AGO3: variants seen among roughly 807,000 people sequenced by gnomAD.
AGO3 encodes argonaute RISC catalytic component 3.
Under a neutral mutation model 105.5 loss-of-function variants are expected in AGO3, and 16 were observed. The observed-to-expected ratio is 0.15, with a 90% CI of 0.10 to 0.23. The LOEUF (loss-of-function observed/expected upper bound fraction) is 0.23. Among genes scored for constraint, AGO3 ranks in the 10% least tolerant of loss-of-function variants. The pLI is 1.00. For synonymous variants in AGO3, 340 were observed against 367.3 expected (o/e 0.93, Z 0.85); for missense variants, 534 against 1,088.0 (o/e 0.49, Z 7.16).
intron 5 of AGO3, among the ~76,000 whole-genome samples, chr1:35,987,048 C>T (rs1294212991): frequency 1.3e-5 from 2 of 149,944 alleles, no homozygotes; most frequent in South Asian, 2.1e-4. Flanking sequence ...GCAAAAGGGG[C>T]TAGGCACGGT....
At chr1:35,933,903 A>G (rs928206967) in intron 1 of AGO3, among the ~76,000 whole-genome samples, 3 of 152,250 alleles carry the variant, frequency 2.0e-5, no homozygotes, top group Admixed American at 6.5e-5. Context: ...CAAATACCAT[A>G]TAAGTTAGTA....
chr1:36,049,745 T>C (rs1458597530), intron 17 of AGO3, among the ~76,000 whole-genome samples: 1 of 151,988 alleles, frequency 6.6e-6, no homozygotes, highest in Non-Finnish European at 1.5e-5. Context: ...GGAAAAGAAA[T>C]GCAAGCAGGA....
At chr1:36,029,477 C>T (rs1434471138) in intron 12 of AGO3, among the ~76,000 whole-genome samples, 1 of 149,616 alleles carries the variant, frequency 6.7e-6, no homozygotes, top group Non-Finnish European at 1.5e-5. Flanking sequence ...TCACTGCAAG[C>T]TCTGCCTCCT....
At chr1:35,965,503 A>C (rs1008978668) in intron 2 of AGO3, among the ~76,000 whole-genome samples, 1 of 151,126 alleles carries the variant, frequency 6.6e-6, no homozygotes, top group South Asian at 2.1e-4. Context: ...AAAAAAAAAA[A>C]AAAAAGAAAA....
intron 9 of AGO3, among the ~76,000 whole-genome samples, chr1:36,011,018 C>T (rs1437172196): frequency 6.6e-6 from 1 of 152,038 alleles, no homozygotes; most frequent in African/African-American, 2.4e-5. Context: ...CGTAAGGTCT[C>T]TGTGCTGTCT....
intron 2 of AGO3, among the ~76,000 whole-genome samples, chr1:35,952,818 A>AT (rs1181748597): frequency 6.6e-6 from 1 of 152,210 alleles, no homozygotes; most frequent in Non-Finnish European, 1.5e-5. Flanking sequence ...ACATTCTATG[A>AT]TGTTCACACA....
chr1:35,933,632 C>T (rs1179389887), intron 1 of AGO3, among the ~76,000 whole-genome samples: 1 of 118,066 alleles, frequency 8.5e-6, no homozygotes, highest in Non-Finnish European at 1.6e-5. Flanking sequence ...CGGAGCAAGA[C>T]CCTGTCTCAA....
chr1:36,020,257 G>C (rs114460592), intron 11 of AGO3, among the ~76,000 whole-genome samples: 17 of 152,320 alleles, frequency 1.1e-4, no homozygotes, highest in African/African-American at 3.8e-4. Context: ...GCACAGCACT[G>C]TTTATTAGAT....
chr1:35,971,990 A>T lies in AGO3; in HGVS notation c.313-34A>T. 4.5e-6 allele frequency: 7 copies of T among 1,570,244 alleles called. 1 individual carries two copies. The highest frequency in any genetic ancestry group is 6.1e-6 in the Non-Finnish European group (7 of 1,143,018). ...TAAAATAATTGTATTTATCTTTTTC[A>T]ACATTTACCAGTTGACTCTTTTCCC... is the stretch of plus-strand genomic sequence containing the variant. On this transcript the variant is annotated intron_variant, in intron 3 of 18. Transcript: ENST00000373191.
At chr1:35,950,535 C>T (rs956290091) in intron 2 of AGO3, among the ~76,000 whole-genome samples, 2 of 151,978 alleles carry the variant, frequency 1.3e-5, no homozygotes, top group Non-Finnish European at 2.9e-5. Context: ...CTTTCCTCAC[C>T]CCGTTTTGTG....
chr1:35,955,402 T>C (rs1571427280), intron 2 of AGO3, among the ~76,000 whole-genome samples: 1 of 152,054 alleles, frequency 6.6e-6, no homozygotes, highest in African/African-American at 2.4e-5. Flanking sequence ...TGTACTACTG[T>C]TTTAATATGT....
intron 3 of AGO3, among the ~76,000 whole-genome samples, chr1:35,968,118 G>A (rs140520940): frequency 1.8e-4 from 28 of 152,216 alleles, no homozygotes; most frequent in Non-Finnish European, 3.8e-4. Flanking sequence ...CAGGAAGCAC[G>A]CAGTATGTAT....
At chr1:35,985,460 G>A (rs17342977) in intron 5 of AGO3, among the ~76,000 whole-genome samples, 4,386 of 152,282 alleles carry the variant, frequency 0.029, 97 homozygotes, top group Admixed American at 0.049. Context: ...GGCTTCAGGT[G>A]CAGGAACAGG....
chr1:35,973,435 AG>A lies in AGO3; in HGVS notation c.587del (p.Gly196AlafsTer19). 6.3e-7 allele frequency: 1 copy of A among 1,592,696 alleles called. No homozygotes were observed. Among genetic ancestry groups the A allele is most frequent in the South Asian group, 1.1e-5 (1 of 88,030 alleles). ...APEGYDHPLG[G>X]GREVWFGFHQ... The stretch of plus-strand genomic sequence containing the variant: ...CAGAAGGATATGACCACCCTCTGGG[AG>A]GGGGCAGGGAAGTGTGGTTTGGATT... On this transcript the variant is annotated frameshift_variant, in exon 5 of 19. Coordinates refer to ENST00000373191, the MANE Select transcript of AGO3 (RefSeq NM_024852.4). LOFTEE classifies it high-confidence loss of function.
rs572579059 is a variant in AGO3 at position 36,013,590 on chromosome 1, G to T, written c.1150-40G>T. ...TAATGCATTAAAGTAGGGGATTTGG[G>T]GGAATTTTGAGAGTAACTACAAACT... is the stretch of plus-strand genomic sequence containing the variant. On this transcript the variant is annotated intron_variant, in intron 9 of 18. Transcript: ENST00000373191. 1.6e-4 allele frequency: 258 copies of T among 1,609,542 alleles called. 4 individuals carry two copies. The South Asian group carries it at 2.7e-3, about 17-fold the overall frequency.
In AGO3 at chr1:35,972,116, A is replaced by C. The variant is rs759309370; in HGVS notation, c.405A>C (p.Leu135=). 1 of 1,614,016 alleles carries C rather than the reference A, an allele frequency of 6.2e-7. No individual in the cohort carries two copies. Among genetic ancestry groups the C allele is most frequent in the African/African-American group, 1.3e-5 (1 of 74,926 alleles). The change falls in exon 4 of 19, where the codon CTA becomes CTC. Residue 135 remains leucine, a synonymous_variant. Coordinates refer to ENST00000373191, the MANE Select transcript of AGO3 (RefSeq NM_024852.4). ...IKFVSRVSWH[L]LHEVLTGRTL... is the part of the protein sequence containing the mutation. Reference sequence around the variant, plus strand: ...TTGTCTCTCGGGTGAGTTGGCACCTACTGCATGAAGTACTGACAGGACGGA... The same window carrying C: ...TTGTCTCTCGGGTGAGTTGGCACCTCCTGCATGAAGTACTGACAGGACGGA...
At chr1:35,972,256 C>A in intron 4 of AGO3, 24 bp downstream of exon 4, 2 of 1,609,518 alleles carry the variant, frequency 1.2e-6, no homozygotes, top group East Asian at 2.2e-5. Flanking sequence ...CTTTTTTTCT[C>A]TTTAGATTTT....
intron 16 of AGO3, among the ~76,000 whole-genome samples, chr1:36,041,894 A>G (rs888726874): frequency 6.6e-6 from 1 of 152,210 alleles, no homozygotes; most frequent in Non-Finnish European, 1.5e-5. Context: ...AGTACTCAGT[A>G]AAGATTGGCT....
chr1:35,973,331 G>A, intron 4 of AGO3, 44 bp from the exon 5 acceptor site: 1 of 1,404,684 alleles, frequency 7.1e-7, no homozygotes, highest in Non-Finnish European at 9.4e-7. Context: ...TTAAATACTT[G>A]CATGAGAAGG....
Sources: allele counts gnomAD v4.1 joint callset (sites outside exome capture counted in the v4.1 genomes callset), GRCh38; gene constraint gnomAD v4.1.1; transcripts MANE v1.5; gene names NCBI Gene and HGNC (gene_info 2026-07-23, HGNC 2026-07-21).